SLC24A4: variants seen among roughly 807,000 people sequenced by gnomAD.
SLC24A4 encodes the protein sodium/potassium/calcium exchanger 4.
Under a neutral mutation model 79.0 loss-of-function variants are expected in SLC24A4, and 53 were observed. The ratio of observed to expected loss-of-function variants is 0.67; its 90% CI spans 0.54 to 0.84. The LOEUF (loss-of-function observed/expected upper bound fraction) is 0.84. Ranked by LOEUF, SLC24A4 falls within the 40% of genes least tolerant of loss-of-function variation. SLC24A4 has a pLI of 0.00. For synonymous variants in SLC24A4, 323 were observed against 323.8 expected, an observed-to-expected ratio of 1.00 and a Z score of 0.03; for missense variants, 731 against 822.0, an observed-to-expected ratio of 0.89 and a Z score of 1.35.
chr14:92,382,340 C>T (rs1191913528), intron 2 of SLC24A4, among the ~76,000 whole-genome samples: 1 of 152,138 alleles, frequency 6.6e-6, no homozygotes, highest in Non-Finnish European at 1.5e-5. Flanking sequence ...CCATCTCTGC[C>T]TTAGGCAAAT....
intron 2 of SLC24A4, among the ~76,000 whole-genome samples, chr14:92,417,167 A>G (rs1278776280): frequency 6.6e-6 from 1 of 152,172 alleles, no homozygotes; most frequent in Non-Finnish European, 1.5e-5. Flanking sequence ...ATATAACAAC[A>G]TTCATTTCAA....
At chr14:92,393,194 AT>A (rs1889581297) in intron 2 of SLC24A4, among the ~76,000 whole-genome samples, 1 of 152,218 alleles carries the variant, frequency 6.6e-6, no homozygotes, top group Non-Finnish European at 1.5e-5. Flanking sequence ...TGAACAACAA[AT>A]TTCTGTTTGT....
rs1285339466 is a variant in SLC24A4, at chr14:92,447,372, T to G, written c.685T>G (p.Trp229Gly). The change falls in exon 9 of 17, where the codon TGG (tryptophan) becomes GGG (glycine). Residue 229 changes from tryptophan (W) to glycine (G), a missense_variant and splice_region_variant. Trp to Gly is a radical substitution (Grantham distance 184). Coordinates refer to ENST00000532405, the MANE Select transcript of SLC24A4 (RefSeq NM_153646.4). ...CGCAATCTCCTTTCTCTCTTTGAGG[T>G]GGGAAGGCCTGGTGCTCATCATCTT... ...VFIYDEQIVWWEGLVLIILYV... is the reference protein window; with the variant it reads ...VFIYDEQIVWGEGLVLIILYV... 1.2e-6 allele frequency: 2 copies of G among 1,614,034 alleles called. No individual in the cohort carries two copies. Among genetic ancestry groups the G allele is most frequent in the Non-Finnish European group, 1.7e-6 (2 of 1,179,966 alleles).
chr14:92,372,692 G>A (rs1035060774), intron 2 of SLC24A4, among the ~76,000 whole-genome samples: 1 of 152,016 alleles, frequency 6.6e-6, no homozygotes, highest in Non-Finnish European at 1.5e-5. Context: ...CTCGAGTTTG[G>A]CCCCTCAGCT....
intron 2 of SLC24A4, among the ~76,000 whole-genome samples, chr14:92,402,416 T>C (rs1255189927): frequency 1.3e-5 from 2 of 152,046 alleles, no homozygotes; most frequent in Non-Finnish European, 2.9e-5. Flanking sequence ...TGACCTAGAG[T>C]GGTCCACATA....
At chr14:92,463,002 A>G (rs1283967048) in intron 12 of SLC24A4, among the ~76,000 whole-genome samples, 4 of 152,188 alleles carry the variant, frequency 2.6e-5, no homozygotes, top group Admixed American at 1.3e-4. Flanking sequence ...GTGTGTGTGC[A>G]GGGTGCTAAA....
intron 12 of SLC24A4, among the ~76,000 whole-genome samples, chr14:92,458,351 G>A (rs1893604311): frequency 6.6e-6 from 1 of 152,168 alleles, no homozygotes; most frequent in South Asian, 2.1e-4. Context: ...TGACCAGAAG[G>A]CCGAGGGGAT....
intron 12 of SLC24A4, among the ~76,000 whole-genome samples, chr14:92,481,632 A>G (rs7141738): frequency 0.91 from 138,397 of 152,214 alleles, 63,899 homozygotes; most frequent in Non-Finnish European, 0.99. Flanking sequence ...TCCAGACCTG[A>G]CAAGAAGGAA....
chr14:92,380,450 G>T (rs61975601), intron 2 of SLC24A4, among the ~76,000 whole-genome samples: 108 of 152,242 alleles, frequency 7.1e-4, no homozygotes, highest in African/African-American at 2.5e-3. Context: ...GATCCATACT[G>T]GGCTCAGTAG....
chr14:92,436,942 C>T (rs1281237494), intron 3 of SLC24A4, among the ~76,000 whole-genome samples: 4 of 152,202 alleles, frequency 2.6e-5, no homozygotes, highest in African/African-American at 4.8e-5. Flanking sequence ...AAAATGTTGA[C>T]GATGAGTCAA....
At chr14:92,449,029 G>T in intron 9 of SLC24A4, 45 bp from the exon 10 acceptor site, 1 of 1,608,732 alleles carries the variant, frequency 6.2e-7, no homozygotes, top group East Asian at 2.2e-5. Flanking sequence ...CAGTTGGTGG[G>T]ACTCCTTTCC....
At chr14:92,377,299 A>G (rs1888570022) in intron 2 of SLC24A4, among the ~76,000 whole-genome samples, 1 of 152,228 alleles carries the variant, frequency 6.6e-6, no homozygotes, top group Admixed American at 6.5e-5. Context: ...ATGAACCCAC[A>G]TTTACCCAGT....
intron 2 of SLC24A4, among the ~76,000 whole-genome samples, chr14:92,367,237 AGGCTAGAGACCGG>A (rs1289290037): frequency 2.6e-5 from 4 of 152,194 alleles, no homozygotes; most frequent in Non-Finnish European, 4.4e-5. Context: ...GCGCTGTTCG[AGGCTAGAGACCGG>A]GGCTTATGCA....
At chr14:92,482,368 A>G (rs892838525) in intron 12 of SLC24A4, among the ~76,000 whole-genome samples, 7 of 152,208 alleles carry the variant, frequency 4.6e-5, no homozygotes, top group Non-Finnish European at 1.0e-4. Context: ...TCAAAGCCCA[A>G]CCATAACTCA....
At chr14:92,366,370 A>G (rs1011999620) in intron 2 of SLC24A4, among the ~76,000 whole-genome samples, 4 of 152,334 alleles carry the variant, frequency 2.6e-5, no homozygotes, top group African/African-American at 9.6e-5. Flanking sequence ...TGACAGCCAG[A>G]TGCTTGGGAT....
chr14:92,418,232 G>T (rs961218203), intron 2 of SLC24A4, among the ~76,000 whole-genome samples: 2 of 152,172 alleles, frequency 1.3e-5, no homozygotes, highest in African/African-American at 4.8e-5. Context: ...CTGGGAGCAG[G>T]GGTGGGAGAC....
chr14:92,425,542 G>GT (rs2139768891), intron 2 of SLC24A4, among the ~76,000 whole-genome samples: 1 of 152,346 alleles, frequency 6.6e-6, no homozygotes, highest in South Asian at 2.1e-4. Context: ...CTTTGGAGCT[G>GT]TGGGTCACAG....
At chr14:92,414,081 G>T (rs1385318540) in intron 2 of SLC24A4, among the ~76,000 whole-genome samples, 1 of 152,102 alleles carries the variant, frequency 6.6e-6, no homozygotes, top group Non-Finnish European at 1.5e-5. Flanking sequence ...ATTACAAGCA[G>T]GCAGGCATCA....
intron 12 of SLC24A4, among the ~76,000 whole-genome samples, chr14:92,468,308 G>C (rs1894231908): frequency 6.6e-6 from 1 of 152,192 alleles, no homozygotes; most frequent in Non-Finnish European, 1.5e-5. Context: ...AGGGTTAGAA[G>C]ACTTAACGTT....
Sources: gnomAD v4.1 joint callset for allele counts (sites outside exome capture counted in the v4.1 genomes callset) on GRCh38, gnomAD v4.1.1 for gene constraint, MANE v1.5 for transcripts, NCBI Gene and HGNC (gene_info 2026-07-23, HGNC 2026-07-21) for gene names.